The following ZNF607 variants were observed in gnomAD, a reference collection of about 807,000 sequenced individuals.
ZNF607 encodes the protein zinc finger protein 607.
A neutral mutation model predicts 12.8 loss-of-function variants in ZNF607; 5 were observed. The ratio of observed to expected loss-of-function variants is 0.39; its 90% CI spans 0.20 to 0.82. ZNF607 has a LOEUF of 0.82. ZNF607 is among the 40% of genes least tolerant of loss of function. The pLI is 0.39. For synonymous variants in ZNF607, 287 were observed against 276.2 expected (o/e 1.04, Z -0.39); for missense variants, 851 against 859.2 (o/e 0.99, Z 0.12).
chr19:37,701,625 G>A (rs1350387701), intron 4 of ZNF607, among the ~76,000 whole-genome samples: 1 of 152,186 alleles, frequency 6.6e-6, no homozygotes, highest in Non-Finnish European at 1.5e-5. Context: ...ATCGGTGAAA[G>A]CGCACACTTC....
chr19:37,697,040 G>T lies in ZNF607; in HGVS notation c.*1000C>A. 3 of 731,668 alleles carry T rather than the reference G, an allele frequency of 4.1e-6. No individual in the cohort carries two copies. Among genetic ancestry groups the T allele is most frequent in the South Asian group, 1.4e-5 (1 of 71,676 alleles). The allele number at this position is 731,668 out of a possible 1,614,324, so 45.3% of individuals were successfully genotyped here. On this transcript the variant is annotated 3_prime_UTR_variant, in exon 5 of 5. Transcript: ENST00000355202. ...GTGACTTGAGGATCTCCGTGGTAATGAACGGCAGCACACACTCATCGTAGT... is the reference window on the plus strand; with the variant it reads ...GTGACTTGAGGATCTCCGTGGTAATTAACGGCAGCACACACTCATCGTAGT...
At position 37,719,502 on chromosome 19, in the gene ZNF607, G is replaced by A. The variant is rs999404899; in HGVS notation, c.-308C>T. ...CCACGCAGGGTACCACGCGGGCGGC[G>A]GGCTGGGGCTGCAGAGGCTCCCGCA... On this transcript the variant is annotated 5_prime_UTR_variant, in exon 1 of 5. Transcript: ENST00000355202. 1 of 152,304 alleles carries A rather than the reference G, an allele frequency of 6.6e-6. No individual in the cohort carries two copies. Among genetic ancestry groups the A allele is most frequent in the Non-Finnish European group, 1.5e-5 (1 of 68,070 alleles). The allele number at this position is 152,304 out of a possible 1,614,324, so 9.4% of individuals were successfully genotyped here. A position where few individuals can be genotyped will look rare whatever the true frequency, so the allele number is the denominator to read the frequency against.
At position 37,697,726 on chromosome 19, in the gene ZNF607, T is replaced by C; in HGVS notation, c.*314A>G. Reference sequence around the variant, plus strand: ...CATGCAAGTATAAAGAATGGTTTCCTACGTTTTCTCAGTTTTCCTCTACTG... The same window carrying C: ...CATGCAAGTATAAAGAATGGTTTCCCACGTTTTCTCAGTTTTCCTCTACTG... On this transcript the variant is annotated 3_prime_UTR_variant, in exon 5 of 5. Coordinates refer to ENST00000355202, the MANE Select transcript of ZNF607 (RefSeq NM_032689.5). The C allele has an allele frequency of 3.2e-6, 1 of 310,518 alleles. No individual in the cohort carries two copies. The highest frequency in any genetic ancestry group is 1.0e-3 in the Middle Eastern group (1 of 992). 19.2% of individuals were successfully genotyped at this position (310,518 alleles called of 1,614,324 possible). A position where few individuals can be genotyped will look rare whatever the true frequency, so the allele number is the denominator to read the frequency against.
chr19:37,701,238 C>A (rs1336963674), intron 4 of ZNF607, among the ~76,000 whole-genome samples: 1 of 152,034 alleles, frequency 6.6e-6, no homozygotes, highest in Non-Finnish European at 1.5e-5. Context: ...GTAAACAAAA[C>A]AATAAAAATA....
intron 1 of ZNF607, among the ~76,000 whole-genome samples, chr19:37,713,716 G>C (rs1052109997): frequency 2.4e-4 from 37 of 152,096 alleles, no homozygotes; most frequent in Admixed American, 9.2e-4. Context: ...TGGGATTACA[G>C]GTGTGAGCCA....
chr19:37,696,888 T>G lies in ZNF607; in HGVS notation c.*1152A>C. ...TGTTAACTCCTTCAAGAAGGTCAGA[T>G]GTGTCAAAGACACGTCGTCCAGAAT... On this transcript the variant is annotated 3_prime_UTR_variant, in exon 5 of 5. Transcript: ENST00000355202. 2.9e-6 allele frequency: 2 copies of G among 696,892 alleles called. No homozygotes were observed. The highest frequency in any genetic ancestry group is 5.2e-6 in the Non-Finnish European group (2 of 386,650). 43.2% of individuals were successfully genotyped at this position (696,892 alleles called of 1,614,324 possible).
Position 37,698,718 on chromosome 19 carries a change from A to G in ZNF607, c.1413T>C (p.His471=). The change falls in exon 5 of 5, where the codon CAT becomes CAC. Residue 471 remains histidine, a synonymous_variant. Coordinates refer to ENST00000355202, the MANE Select transcript of ZNF607 (RefSeq NM_032689.5). ...GACATACATAGGGTTTCTCTCCTGT[A>G]TGAATTCTCTCATGTATAACAAGAT... ...ASYLVIHERI[H]TGEKPYVCQE... 6.2e-7 allele frequency: 1 copy of G among 1,613,338 alleles called. No individual in the cohort carries two copies. The highest frequency in any genetic ancestry group is 8.5e-7 in the Non-Finnish European group (1 of 1,179,386).
chr19:37,705,839 CTTCTCTCTCT>C (rs1400818636), intron 4 of ZNF607, among the ~76,000 whole-genome samples: 2 of 152,242 alleles, frequency 1.3e-5, no homozygotes, highest in South Asian at 2.1e-4. Context: ...CCCCTGCTCC[CTTCTCTCTCT>C]TTCTCTCTCT....
rs1026449341 is a variant in ZNF607 at position 37,697,031 on chromosome 19, C to T, written c.*1009G>A. 59 of 726,012 alleles carry T rather than the reference C, an allele frequency of 8.1e-5. 3 individuals carry two copies. Among genetic ancestry groups the T allele is most frequent in the South Asian group, 5.3e-4 (38 of 71,158 alleles). 45.0% of individuals were successfully genotyped at this position (726,012 alleles called of 1,614,324 possible). A position where few individuals can be genotyped will look rare whatever the true frequency, so the allele number is the denominator to read the frequency against. The stretch of plus-strand genomic sequence containing the variant: ...GAGCCACCAGTGACTTGAGGATCTC[C>T]GTGGTAATGAACGGCAGCACACACT... On this transcript the variant is annotated 3_prime_UTR_variant, in exon 5 of 5. Coordinates refer to ENST00000355202, the MANE Select transcript of ZNF607 (RefSeq NM_032689.5).
At chr19:37,709,546 G>T in intron 3 of ZNF607, 150 bp downstream of exon 3, 1 of 792,304 alleles carries the variant, frequency 1.3e-6, no homozygotes, top group Non-Finnish European at 1.9e-6. Flanking sequence ...TGCCATTACT[G>T]ACTCAAAGCT....
intron 4 of ZNF607, among the ~76,000 whole-genome samples, chr19:37,704,681 T>C (rs563347675): frequency 6.6e-6 from 1 of 152,312 alleles, no homozygotes; most frequent in East Asian, 1.9e-4. Flanking sequence ...AAGACCTCAG[T>C]TGGCTGGGTG....
chr19:37,705,852 CTCTCTCTTTT>C (rs1218119960), intron 4 of ZNF607, among the ~76,000 whole-genome samples: 1 of 152,046 alleles, frequency 6.6e-6, no homozygotes, highest in African/African-American at 2.4e-5. Flanking sequence ...CTCTCTCTTT[CTCTCTCTTTT>C]GTTCTCATAA....
chr19:37,709,529 A>C (rs1185242419), intron 3 of ZNF607, among the ~76,000 whole-genome samples, 167 bp downstream of exon 3: 1 of 152,186 alleles, frequency 6.6e-6, no homozygotes, highest in Non-Finnish European at 1.5e-5. Flanking sequence ...AAAGTGTTGA[A>C]AGGACCTGCC....
intron 4 of ZNF607, among the ~76,000 whole-genome samples, chr19:37,700,144 T>C (rs912853401): frequency 2.6e-5 from 4 of 152,110 alleles, no homozygotes; most frequent in Admixed American, 2.6e-4. Context: ...AGATCTCTGG[T>C]GTAAATACTC....
chr19:37,706,411 G>C (rs928649283), intron 4 of ZNF607: 2 of 152,326 alleles, frequency 1.3e-5, no homozygotes, highest in African/African-American at 4.8e-5. Context: ...GTTCGTCTGC[G>C]TAGGAGTTAG....
At chr19:37,705,966 C>T (rs1161445868) in intron 4 of ZNF607, among the ~76,000 whole-genome samples, 2 of 151,772 alleles carry the variant, frequency 1.3e-5, no homozygotes, top group African/African-American at 2.4e-5. Context: ...TTTGGGGGGC[C>T]GAGGTGGGCG....
At position 37,707,425 on chromosome 19, in the gene ZNF607, C is replaced by T. The variant is rs560410332; in HGVS notation, c.235+489G>A. ...GCCACTGCACTCCTGCTCTGGGTGA[C>T]AGAGTGAGACCTTATCTCAAAAACA... On this transcript the variant is annotated intron_variant, in intron 4 of 4. Coordinates refer to ENST00000355202, the MANE Select transcript of ZNF607 (RefSeq NM_032689.5). 2.0e-5 allele frequency among the ~76,000 whole-genome samples: 3 copies of T among 152,012 alleles called. No individual in the cohort carries two copies. The South Asian group carries it at 6.2e-4, about 32-fold the overall frequency.
chr19:37,708,384 T>C (rs1447415562), intron 3 of ZNF607, among the ~76,000 whole-genome samples: 1 of 151,418 alleles, frequency 6.6e-6, no homozygotes, highest in African/African-American at 2.4e-5. Flanking sequence ...TTAGTAGAAA[T>C]GGGGTTTCGC....
intron 3 of ZNF607, 118 bp downstream of exon 3, chr19:37,709,578 G>T: frequency 8.4e-7 from 1 of 1,188,884 alleles, no homozygotes. Flanking sequence ...AATAGAAATA[G>T]AGAAAATAAA....
Sources: allele counts gnomAD v4.1 joint callset (sites outside exome capture counted in the v4.1 genomes callset), GRCh38; gene constraint gnomAD v4.1.1; transcripts MANE v1.5; gene names NCBI Gene and HGNC (gene_info 2026-07-23, HGNC 2026-07-21).